Variants in KLHL1 observed in about 807,000 individuals in gnomAD.
KLHL1 encodes the protein kelch like family member 1, also known as kelch-like protein 1.
A neutral mutation model predicts 77.7 loss-of-function variants in KLHL1; 47 were observed. The ratio of observed to expected loss-of-function variants is 0.60; its 90% CI spans 0.48 to 0.77. The LOEUF is 0.77. Ranked by LOEUF, KLHL1 falls within the 30% of genes least tolerant of loss-of-function variation. KLHL1 has a pLI of 0.00. For synonymous variants in KLHL1, 360 were observed against 325.2 expected (o/e 1.11, Z -1.15); for missense variants, 925 against 910.8 (o/e 1.02, Z -0.20).
intron 1 of KLHL1, among the ~76,000 whole-genome samples, chr13:70,025,399 C>T (rs1885916886): frequency 6.6e-6 from 1 of 151,840 alleles, no homozygotes; most frequent in Admixed American, 6.6e-5. Context: ...TATTTATTAT[C>T]TTAAAAAATT....
At chr13:69,760,216 C>G (rs2137963791) in intron 7 of KLHL1, among the ~76,000 whole-genome samples, 1 of 152,194 alleles carries the variant, frequency 6.6e-6, no homozygotes, top group Non-Finnish European at 1.5e-5. Flanking sequence ...TGCCTAGACT[C>G]AGTATGGATA....
intron 1 of KLHL1, among the ~76,000 whole-genome samples, chr13:69,985,459 A>G (rs928663281): frequency 1.3e-5 from 2 of 151,996 alleles, no homozygotes; most frequent in African/African-American, 4.8e-5. Context: ...TATAACTGTT[A>G]GAATGGTTGT....
intron 1 of KLHL1, among the ~76,000 whole-genome samples, chr13:69,977,707 A>G (rs1362853698): frequency 6.6e-6 from 1 of 152,152 alleles, no homozygotes; most frequent in Non-Finnish European, 1.5e-5. Context: ...GGAAAACATT[A>G]TATTTTATTG....
rs138234901 is a variant in KLHL1 at position 69,898,750 on chromosome 13, T to C, written c.1015-16255A>G. On this transcript the variant is annotated intron_variant, in intron 4 of 10. Transcript: ENST00000377844. ...ATCCAACTAATAATACCTAGTGCCA[T>C]TGCCTCTTCTGACAAATTAAAAATA... Among the ~76,000 whole-genome samples the C allele has an allele frequency of 4.3e-4, 66 of 152,344 alleles. 1 individual carries two copies. The highest frequency in any genetic ancestry group is 1.5e-3 in the African/African-American group (61 of 41,584).
intron 1 of KLHL1, among the ~76,000 whole-genome samples, chr13:70,080,722 G>A (rs1176827296): frequency 6.6e-6 from 1 of 151,726 alleles, no homozygotes; most frequent in Admixed American, 6.6e-5. Flanking sequence ...TCAGCCTCCC[G>A]AGTAGCTGGG....
Position 69,848,554 on chromosome 13 carries a change from G to T in KLHL1, c.1228-9392C>A, listed in dbSNP as rs140739659. Among the ~76,000 whole-genome samples the T allele has an allele frequency of 6.4e-3, 965 of 151,572 alleles. 8 individuals carry two copies. The highest frequency in any genetic ancestry group is 0.022 in the African/African-American group (917 of 41,454). The stretch of plus-strand genomic sequence containing the variant: ...CTACTATTCTGGCCAAATTATTTAA[G>T]AATATTATTTATATTTAAAAATGAA... On this transcript the variant is annotated intron_variant, in intron 5 of 10. Transcript: ENST00000377844.
At chr13:69,848,881 G>T (rs532455000) in intron 5 of KLHL1, among the ~76,000 whole-genome samples, 1 of 151,592 alleles carries the variant, frequency 6.6e-6, no homozygotes, top group African/African-American at 2.4e-5. Flanking sequence ...TAACCGAAAT[G>T]AAAGTTCTTA....
rs1555283224 is a variant in KLHL1 at position 69,939,378 on chromosome 13, T to TGTATATATATATATATATACACACACAC, written c.1014+661_1014+662insGTGTGTGTGTATATATATATATATATAC. Among the ~76,000 whole-genome samples the TGTATATATATATATATATACACACACAC allele has an allele frequency of 1.2e-3, 88 of 70,820 alleles. 1 individual carries two copies. Among genetic ancestry groups the TGTATATATATATATATATACACACACAC allele is most frequent in the African/African-American group, 4.6e-3 (73 of 15,762 alleles). The allele number at this position is 70,820 out of a possible 152,430, so 46.5% of individuals were successfully genotyped here. A position where few individuals can be genotyped will look rare whatever the true frequency, so the allele number is the denominator to read the frequency against. On this transcript the variant is annotated intron_variant, in intron 4 of 10. Coordinates refer to ENST00000377844, the MANE Select transcript of KLHL1 (RefSeq NM_020866.3). Reference sequence around the variant, plus strand: ...ATATATATATATATATATATATATATACACACACACACGCACACACATACA... The same window carrying TGTATATATATATATATATACACACACAC: ...ATATATATATATATATATATATATATGTATATATATATATATATACACACACACACACACACACACGCACACACATACA...
intron 5 of KLHL1, among the ~76,000 whole-genome samples, chr13:69,866,655 T>G (rs1880375124): frequency 6.6e-6 from 1 of 152,138 alleles, no homozygotes. Context: ...ACTGTAAAAT[T>G]TCAAAATGAG....
chr13:69,859,142 C>A (rs765158312), intron 5 of KLHL1, among the ~76,000 whole-genome samples: 2 of 152,012 alleles, frequency 1.3e-5, no homozygotes, highest in African/African-American at 4.8e-5. Context: ...AACTGTAGAA[C>A]AAACTAAGAT....
chr13:69,765,295 T>G (rs1033469217), intron 7 of KLHL1, among the ~76,000 whole-genome samples: 1 of 152,110 alleles, frequency 6.6e-6, no homozygotes, highest in African/African-American at 2.4e-5. Context: ...AGTTCATTAA[T>G]ACATTTATAT....
chr13:69,721,681 A>G (rs1177676743), intron 8 of KLHL1, among the ~76,000 whole-genome samples: 1 of 152,110 alleles, frequency 6.6e-6, no homozygotes, highest in Non-Finnish European at 1.5e-5. Context: ...TGTGATATGT[A>G]AAATTATTTT....
chr13:69,985,129 AAAC>A (rs148150977), intron 1 of KLHL1, among the ~76,000 whole-genome samples: 23,461 of 151,844 alleles, frequency 0.15, 3,836 homozygotes, highest in African/African-American at 0.42. Context: ...ACAAACAAGC[AAAC>A]AACAACAACA....
chr13:70,107,721 A>G lies in KLHL1; in HGVS notation c.-22T>C. ...ACATGCTTTACGCACAGAAGGCAAA[A>G]GGCTGGCAGCTCACGCAGGAGTAGG... On this transcript the variant is annotated 5_prime_UTR_variant, in exon 1 of 11. Transcript: ENST00000377844. 1 of 1,500,252 alleles carries G rather than the reference A, an allele frequency of 6.7e-7. No homozygotes were observed. The highest frequency in any genetic ancestry group is 1.3e-5 in the South Asian group (1 of 74,306). 92.9% of individuals were successfully genotyped at this position (1,500,252 alleles called of 1,614,324 possible). A position where few individuals can be genotyped will look rare whatever the true frequency, so the allele number is the denominator to read the frequency against.
chr13:69,932,739 A>G (rs557200718), intron 4 of KLHL1, among the ~76,000 whole-genome samples: 12 of 151,980 alleles, frequency 7.9e-5, no homozygotes, highest in African/African-American at 2.9e-4. Context: ...TGTTTTAGAA[A>G]TCGAAGCTCA....
chr13:69,786,658 T>G (rs925032987), intron 7 of KLHL1, among the ~76,000 whole-genome samples: 2 of 152,032 alleles, frequency 1.3e-5, no homozygotes, highest in African/African-American at 2.4e-5. Flanking sequence ...TCTGGCCAGG[T>G]CAATTAGGCA....
chr13:70,060,889 C>T (rs571676251), intron 1 of KLHL1, among the ~76,000 whole-genome samples: 1 of 151,994 alleles, frequency 6.6e-6, no homozygotes, highest in Non-Finnish European at 1.5e-5. Flanking sequence ...ATAGAGTACC[C>T]TTCAGCTATA....
At chr13:69,704,051 C>G (rs191009925) in intron 10 of KLHL1, among the ~76,000 whole-genome samples, 3 of 151,620 alleles carry the variant, frequency 2.0e-5, no homozygotes, top group African/African-American at 2.4e-5. Context: ...TCCCTGATGT[C>G]CATTCAATAC....
chr13:70,071,231 T>G (rs1887130916), intron 1 of KLHL1, among the ~76,000 whole-genome samples: 1 of 152,152 alleles, frequency 6.6e-6, no homozygotes, highest in African/African-American at 2.4e-5. Context: ...GCTATATTAC[T>G]TTCACACTAA....
Sources: gnomAD v4.1 joint callset for allele counts (sites outside exome capture counted in the v4.1 genomes callset) on GRCh38, gnomAD v4.1.1 for gene constraint, MANE v1.5 for transcripts, NCBI Gene and HGNC (gene_info 2026-07-23, HGNC 2026-07-21) for gene names.